The following SNAPC3 variants were observed in gnomAD, a reference collection of about 807,000 sequenced individuals.
SNAPC3 encodes the protein small nuclear RNA activating complex polypeptide 3.
Under a neutral mutation model 47.7 loss-of-function variants are expected in SNAPC3, and 56 were observed. That is an observed-to-expected ratio of 1.18 (90% CI 0.95 to 1.47). SNAPC3 has a LOEUF of 1.47. Among genes scored for constraint, SNAPC3 ranks in the 40% most tolerant of loss-of-function variants. The pLI, the probability that SNAPC3 is intolerant of heterozygous loss-of-function variation, is 0.00. For missense variants in SNAPC3, 665 were observed against 511.3 expected (o/e 1.30, Z -2.90); for synonymous variants, 235 against 189.9 (o/e 1.24, Z -1.95).
chr9:15,464,639 T>C (rs1449457392), downstream of SNAPC3: 1 of 198,510 alleles, frequency 5.0e-6, no homozygotes, highest in East Asian at 7.9e-5. Flanking sequence ...CATGATTTTT[T>C]CTTCCAATTA....
intron 3 of SNAPC3, among the ~76,000 whole-genome samples, chr9:15,437,421 C>T (rs1242513544): frequency 6.6e-6 from 1 of 151,892 alleles, no homozygotes; most frequent in African/African-American, 2.4e-5. Flanking sequence ...TTAGTAGACA[C>T]AGAGTTTCAC....
chr9:15,435,093 T>A (rs1003233851), intron 3 of SNAPC3, among the ~76,000 whole-genome samples: 5 of 152,214 alleles, frequency 3.3e-5, no homozygotes, highest in East Asian at 1.9e-4. Flanking sequence ...AGCTTTTTTT[T>A]AATAATAGCC....
At chr9:15,424,812 C>T (rs1040085817) in intron 2 of SNAPC3, among the ~76,000 whole-genome samples, 18 of 152,178 alleles carry the variant, frequency 1.2e-4, no homozygotes, top group African/African-American at 3.6e-4. Context: ...CTTGATCCTA[C>T]GCTATTATCC....
intron 2 of SNAPC3, among the ~76,000 whole-genome samples, chr9:15,432,743 A>G (rs2032324752): frequency 6.6e-6 from 1 of 152,228 alleles, no homozygotes; most frequent in East Asian, 1.9e-4. Context: ...ATTCCAATGA[A>G]TAAATGTAGA....
At chr9:15,429,148 C>A (rs1023147572) in intron 2 of SNAPC3, among the ~76,000 whole-genome samples, 1 of 152,018 alleles carries the variant, frequency 6.6e-6, no homozygotes, top group African/African-American at 2.4e-5. Flanking sequence ...CAAAAAGCAT[C>A]ACATGTTGAA....
chr9:15,431,516 G>C (rs1370050061), intron 2 of SNAPC3, among the ~76,000 whole-genome samples: 1 of 151,678 alleles, frequency 6.6e-6, no homozygotes, highest in Non-Finnish European at 1.5e-5. Flanking sequence ...ATTGATACAG[G>C]AGATAACAGA....
At chr9:15,437,681 T>C (rs1260369142) in intron 3 of SNAPC3, among the ~76,000 whole-genome samples, 1 of 151,964 alleles carries the variant, frequency 6.6e-6, no homozygotes, top group African/African-American at 2.4e-5. Context: ...TTGATTGACT[T>C]GCTAATGTTA....
chr9:15,423,397 G>A lies in SNAPC3; in HGVS notation c.314+204G>A, dbSNP rs559485777. On this transcript the variant is annotated intron_variant, in intron 1 of 8. Transcript: ENST00000380821. The stretch of plus-strand genomic sequence containing the variant: ...GGACCCGAATGCACAGTTTCTACGA[G>A]TTGGAGCAAAGGGACAAGACAGCTG... 9.8e-5 allele frequency among the ~76,000 whole-genome samples: 15 copies of A among 152,312 alleles called. No individual in the cohort carries two copies. In the South Asian group the frequency reaches 2.1e-3, roughly 21 times the overall value.
intron 7 of SNAPC3, 106 bp downstream of exon 7, chr9:15,453,311 C>G (rs1563853229): frequency 1.2e-6 from 1 of 855,702 alleles, no homozygotes; most frequent in Admixed American, 2.6e-5. Flanking sequence ...AAGTAATAAC[C>G]ATTGCAACTT....
chr9:15,423,640 T>G (rs1363080088), intron 1 of SNAPC3, among the ~76,000 whole-genome samples: 2 of 152,226 alleles, frequency 1.3e-5, no homozygotes, highest in Non-Finnish European at 2.9e-5. Flanking sequence ...GTTACTGAAA[T>G]ATTTCTTAAA....
intron 2 of SNAPC3, 77 bp from the exon 3 acceptor site, chr9:15,433,475 A>T (rs2032420415): frequency 2.2e-6 from 2 of 897,598 alleles, no homozygotes; most frequent in Non-Finnish European, 3.6e-6. Context: ...AAAAAACTTG[A>T]ATGTTAAATA....
At chr9:15,450,791 G>A (rs559052957) in intron 5 of SNAPC3, among the ~76,000 whole-genome samples, 35 of 152,172 alleles carry the variant, frequency 2.3e-4, no homozygotes, top group Admixed American at 2.1e-3. Flanking sequence ...CTCCTTTGAC[G>A]GACACTGTGG....
chr9:15,428,311 A>G (rs773809879), intron 2 of SNAPC3, among the ~76,000 whole-genome samples: 13 of 151,794 alleles, frequency 8.6e-5, no homozygotes, highest in Non-Finnish European at 1.9e-4. Context: ...ATACAGATCA[A>G]CTTTGGAGAC....
At chr9:15,455,601 C>T (rs2034719761) in intron 7 of SNAPC3, among the ~76,000 whole-genome samples, 1 of 151,970 alleles carries the variant, frequency 6.6e-6, no homozygotes, top group Non-Finnish European at 1.5e-5. Flanking sequence ...GTTCTGCCTG[C>T]TCTTCCTTTC....
intron 7 of SNAPC3, among the ~76,000 whole-genome samples, chr9:15,457,132 A>T (rs1348840358): frequency 6.6e-6 from 1 of 152,182 alleles, no homozygotes; most frequent in African/African-American, 2.4e-5. Context: ...TAAAGGTTTC[A>T]TAATTCTGAT....
chr9:15,436,323 A>G (rs1388689157), intron 3 of SNAPC3, among the ~76,000 whole-genome samples: 1 of 152,226 alleles, frequency 6.6e-6, no homozygotes, highest in Non-Finnish European at 1.5e-5. Flanking sequence ...TTTAGCTCAT[A>G]AGTTTGTCTT....
rs145627978 is a variant in SNAPC3 at position 15,447,669 on chromosome 9, A to T, written c.732+425A>T. 4.2e-3 allele frequency among the ~76,000 whole-genome samples: 637 copies of T among 152,278 alleles called. 3 individuals carry two copies. The highest frequency in any genetic ancestry group is 7.1e-3 in the Non-Finnish European group (481 of 68,014). ...TTATGTAACTTGACCTCACTGTAGC[A>T]TATGACTTTGCTGTTCATTCACTCG... On this transcript the variant is annotated intron_variant, in intron 5 of 8. Transcript: ENST00000380821.
At chr9:15,442,288 C>T (rs1222735428) in intron 3 of SNAPC3, among the ~76,000 whole-genome samples, 2 of 148,144 alleles carry the variant, frequency 1.4e-5, no homozygotes, top group Non-Finnish European at 3.0e-5. Context: ...GCTGGCCGGG[C>T]GGGGGCTGCC....
intron 2 of SNAPC3, among the ~76,000 whole-genome samples, chr9:15,433,062 T>C (rs902950868): frequency 6.6e-6 from 1 of 152,184 alleles, no homozygotes; most frequent in African/African-American, 2.4e-5. Flanking sequence ...CATTGTAGTA[T>C]TCTTACCAAA....
Sources: gnomAD v4.1 joint callset for allele counts (sites outside exome capture counted in the v4.1 genomes callset) on GRCh38, gnomAD v4.1.1 for gene constraint, MANE v1.5 for transcripts, NCBI Gene and HGNC (gene_info 2026-07-23, HGNC 2026-07-21) for gene names.